MTHFD2L: variants seen among roughly 807,000 people sequenced by gnomAD.
MTHFD2L encodes bifunctional methylenetetrahydrofolate dehydrogenase/cyclohydrolase 2, mitochondrial.
In MTHFD2L, 29 loss-of-function variants were observed where a neutral mutation model predicts 34.9. The observed-to-expected ratio is 0.83, with a 90% CI of 0.62 to 1.13. MTHFD2L has a LOEUF of 1.13. Among genes scored for constraint, MTHFD2L ranks in the 50% most tolerant of loss-of-function variants. The pLI, the probability that MTHFD2L is intolerant of heterozygous loss-of-function variation, is 0.00. For synonymous variants in MTHFD2L, 167 were observed against 155.7 expected, an observed-to-expected ratio of 1.07 and a Z score of -0.54; for missense variants, 481 against 446.5, an observed-to-expected ratio of 1.08 and a Z score of -0.70.
At chr4:74,293,879 A>G (rs1749310145) in intron 7 of MTHFD2L, among the ~76,000 whole-genome samples, 1 of 152,196 alleles carries the variant, frequency 6.6e-6, no homozygotes, top group Non-Finnish European at 1.5e-5. Context: ...ATTTAGAAGC[A>G]TGGGAAAATA....
At chr4:74,203,776 A>G (rs773872783) in intron 5 of MTHFD2L, among the ~76,000 whole-genome samples, 5 of 152,146 alleles carry the variant, frequency 3.3e-5, no homozygotes, top group Non-Finnish European at 5.9e-5. Context: ...GGGGATTACA[A>G]TTGAAAGTGA....
intron 5 of MTHFD2L, among the ~76,000 whole-genome samples, chr4:74,212,919 A>G (rs551351751): frequency 3.3e-5 from 5 of 151,852 alleles, no homozygotes; most frequent in Admixed American, 2.6e-4. Context: ...AGCTCTTCCT[A>G]TTTCATTGAT....
intron 6 of MTHFD2L, among the ~76,000 whole-genome samples, chr4:74,281,093 T>C (rs552294238): frequency 2.0e-5 from 3 of 151,776 alleles, no homozygotes; most frequent in South Asian, 4.2e-4. Context: ...AGCAGGAGCC[T>C]GTCTCATGTC....
intron 1 of MTHFD2L, 170 bp downstream of exon 1, chr4:74,158,451 G>C: frequency 3.2e-6 from 1 of 314,536 alleles, no homozygotes; most frequent in Non-Finnish European, 4.7e-6. Context: ...GCGCGGGCGA[G>C]TCGCAGTTGC....
At chr4:74,129,177 A>G (rs1722289400) in intron 1 of MTHFD2L, among the ~76,000 whole-genome samples, 1 of 151,920 alleles carries the variant, frequency 6.6e-6, no homozygotes, top group Admixed American at 6.6e-5. Context: ...AATAAAAGAG[A>G]AAACTAAAAA....
intron 6 of MTHFD2L, among the ~76,000 whole-genome samples, chr4:74,278,802 G>A (rs937125114): frequency 6.6e-5 from 10 of 152,200 alleles, no homozygotes; most frequent in Non-Finnish European, 1.2e-4. Flanking sequence ...GAAAAAAGGT[G>A]AAAATGCATC....
In MTHFD2L at chr4:74,153,058, T is replaced by C. The variant is rs554406372; in HGVS notation, c.-296-6997T>C. Among the ~76,000 whole-genome samples, 8 of 152,304 alleles carry C rather than the reference T, an allele frequency of 5.3e-5. No homozygotes were observed. The South Asian group carries it at 1.4e-3, about 28-fold the overall frequency. On this transcript the variant is annotated intron_variant, in intron 1 of 7. Transcript: ENST00000433372. ...GTTTTCTGGATCCTTGTTTATTCCTTGGCTGTGATTTTCCCTTGACATCTC... is the reference window on the plus strand; with the variant it reads ...GTTTTCTGGATCCTTGTTTATTCCTCGGCTGTGATTTTCCCTTGACATCTC...
At chr4:74,173,601 C>T (rs985529433) in intron 1 of MTHFD2L, among the ~76,000 whole-genome samples, 3 of 152,102 alleles carry the variant, frequency 2.0e-5, no homozygotes, top group Non-Finnish European at 2.9e-5. Context: ...GAGTCTTGTG[C>T]TGGATATGCT....
chr4:74,256,647 G>T (rs945788688), intron 6 of MTHFD2L, among the ~76,000 whole-genome samples: 87 of 152,152 alleles, frequency 5.7e-4, no homozygotes, highest in African/African-American at 2.0e-3. Context: ...GGAATAGAAA[G>T]TCCTTTCCCC....
chr4:74,212,671 TTGA>T (rs1196131942), intron 5 of MTHFD2L, among the ~76,000 whole-genome samples: 5 of 152,244 alleles, frequency 3.3e-5, no homozygotes, highest in African/African-American at 4.8e-5. Context: ...GTATATTCTG[TTGA>T]TCTGGGGTGG....
At chr4:74,117,333 G>A (rs991830963) in intron 2 of MTHFD2L, among the ~76,000 whole-genome samples, 1 of 152,232 alleles carries the variant, frequency 6.6e-6, no homozygotes, top group African/African-American at 2.4e-5. Flanking sequence ...TTTACTATGT[G>A]TGAGGTTCCT....
rs761538540 is a variant in MTHFD2L, at chr4:74,301,791, TA to T, written c.1033del (p.Ile345SerfsTer48). 4.4e-6 allele frequency: 7 copies of T among 1,604,620 alleles called. No individual in the cohort carries two copies. The highest frequency in any genetic ancestry group is 2.2e-5 in the South Asian group (2 of 89,760). On this transcript the variant is annotated frameshift_variant, in exon 8 of 8. Transcript: ENST00000325278. LOFTEE classifies it high-confidence loss of function. ...TTCTGAAGAACACCCTTCTGGCAGC[TA>T]AAAAAATCATTTACTAGATCACATG... ...MLLKNTLLAA[K>X]KIIY
intron 6 of MTHFD2L, among the ~76,000 whole-genome samples, chr4:74,269,743 A>G (rs373276685): frequency 4.6e-5 from 7 of 152,284 alleles, no homozygotes; most frequent in African/African-American, 9.6e-5. Flanking sequence ...AATCCTCACC[A>G]GTATGATATG....
At chr4:74,254,006 T>TG (rs1374206561) in intron 6 of MTHFD2L, among the ~76,000 whole-genome samples, 1 of 152,170 alleles carries the variant, frequency 6.6e-6, no homozygotes, top group Non-Finnish European at 1.5e-5. Context: ...ACAGGGTCCA[T>TG]GGACTCAGGA....
At chr4:74,140,536 A>G (rs1723215070) in intron 1 of MTHFD2L, 1 of 977,074 alleles carries the variant, frequency 1.0e-6, no homozygotes, top group African/African-American at 1.8e-5. Flanking sequence ...CACCTTTTTC[A>G]TGTTGTGCAT....
intron 1 of MTHFD2L, chr4:74,160,960 A>G (rs1725308872): frequency 6.6e-6 from 1 of 152,234 alleles, no homozygotes; most frequent in South Asian, 2.1e-4. Context: ...TTAATTAACT[A>G]AATGGATATC....
intron 6 of MTHFD2L, among the ~76,000 whole-genome samples, chr4:74,263,545 C>G (rs1744939327): frequency 6.6e-6 from 1 of 152,056 alleles, no homozygotes; most frequent in East Asian, 1.9e-4. Context: ...TCTTTCACCT[C>G]CCTAATTAGC....
At chr4:74,148,345 C>T (rs879486576) in intron 1 of MTHFD2L, among the ~76,000 whole-genome samples, 1 of 144,742 alleles carries the variant, frequency 6.9e-6, no homozygotes, top group African/African-American at 2.6e-5. Context: ...TTTTCCCACA[C>T]ATTTTATTTA....
At chr4:74,255,871 T>C (rs1271733930) in intron 6 of MTHFD2L, among the ~76,000 whole-genome samples, 1 of 152,210 alleles carries the variant, frequency 6.6e-6, no homozygotes, top group Non-Finnish European at 1.5e-5. Flanking sequence ...ATGGTGTATA[T>C]GTAGTATGTT....
Sources: gnomAD v4.1 joint callset for allele counts (sites outside exome capture counted in the v4.1 genomes callset) on GRCh38, gnomAD v4.1.1 for gene constraint, MANE v1.5 for transcripts, NCBI Gene and HGNC (gene_info 2026-07-23, HGNC 2026-07-21) for gene names.